Variants in ZNF888 observed in about 807,000 individuals in gnomAD.
ZNF888 encodes the protein zinc finger protein 888.
Under a neutral mutation model 7.2 loss-of-function variants are expected in ZNF888, and 5 were observed. The ratio of observed to expected loss-of-function variants is 0.70; its 90% confidence interval spans 0.36 to 1.46. The LOEUF is 1.46. ZNF888 is among the 40% of genes most tolerant of loss of function. The pLI is 0.03. For synonymous variants in ZNF888, 240 were observed against 284.3 expected (o/e 0.84, Z 1.57); for missense variants, 716 against 858.0 (o/e 0.83, Z 2.07).
At chr19:52,914,445 C>T (rs2064721367) in intron 4 of ZNF888, 1 of 703,658 alleles carries the variant, frequency 1.4e-6, no homozygotes, top group South Asian at 6.5e-5. Context: ...AGTGCTGGAG[C>T]TTTTCTAGAG....
chr19:52,915,239 G>A lies in ZNF888; in HGVS notation c.99C>T (p.Tyr33=). ...KCLDPAQRTL[Y]RDVMLENYRN... The stretch of plus-strand genomic sequence containing the variant: ...TATAATTCTCCAGCATCACGTCTCT[G>A]TATAGAGTCCTCTGAGCAGGGTCCA... Residue 33 remains tyrosine (Y), a synonymous_variant, in exon 4 of 5, where the codon TAC becomes TAT. Coordinates refer to ENST00000638862, the MANE Select transcript of ZNF888 (RefSeq NM_001393938.1). 6.2e-7 allele frequency: 1 copy of A among 1,611,488 alleles called. No homozygotes were observed. The highest frequency in any genetic ancestry group is 1.1e-5 in the South Asian group (1 of 90,974).
intron 3 of ZNF888, among the ~76,000 whole-genome samples, chr19:52,916,627 T>TATATATATATATATATATAC (rs1431267956): frequency 2.7e-4 from 39 of 142,128 alleles, no homozygotes; most frequent in African/African-American, 1.1e-3. Context: ...TATATATATA[T>TATATATATATATATATATAC]ATATATATAT....
At position 52,905,697 on chromosome 19, in the gene ZNF888, A is replaced by G; in HGVS notation, c.*468T>C. The G allele has an allele frequency of 4.6e-6, 2 of 436,022 alleles. 1 individual carries two copies. The highest frequency in any genetic ancestry group is 3.8e-5 in the South Asian group (2 of 52,592). 27.0% of individuals were successfully genotyped at this position (436,022 alleles called of 1,614,324 possible). On this transcript the variant is annotated 3_prime_UTR_variant, in exon 5 of 5. Transcript: ENST00000638862. ...CAACTCAAACTCAAGTCAATGCTGA[A>G]CTGACTCTAGTGTCAATTAATGCTT...
chr19:52,921,417 C>A (rs981875135), intron 1 of ZNF888, among the ~76,000 whole-genome samples: 6 of 152,098 alleles, frequency 3.9e-5, no homozygotes, highest in African/African-American at 1.4e-4. Context: ...ACATTTTCAC[C>A]GAGTTACCCT....
At chr19:52,922,050 C>T (rs2064827346) in intron 1 of ZNF888, among the ~76,000 whole-genome samples, 1 of 152,108 alleles carries the variant, frequency 6.6e-6, no homozygotes, top group Non-Finnish European at 1.5e-5. Context: ...TGTGATGGCT[C>T]ACACCTGTAT....
chr19:52,912,351 G>C (rs1324799561), intron 4 of ZNF888, among the ~76,000 whole-genome samples: 1 of 150,512 alleles, frequency 6.6e-6, no homozygotes. Context: ...CTGACCTCGT[G>C]ATCCGCCCCC....
intron 4 of ZNF888, among the ~76,000 whole-genome samples, chr19:52,911,131 A>T (rs1315582767): frequency 6.6e-6 from 1 of 151,992 alleles, no homozygotes; most frequent in Non-Finnish European, 1.5e-5. Context: ...GGCCCGTCTC[A>T]GCCTCCCAAA....
chr19:52,912,266 A>C lies in ZNF888; in HGVS notation c.142+2930T>G, dbSNP rs867331782. Among the ~76,000 whole-genome samples the C allele has an allele frequency of 1.4e-4, 20 of 146,528 alleles. No homozygotes were observed. In the South Asian group the frequency reaches 4.2e-3, roughly 31 times the overall value. ...GTAGCTGGGACTACAGGCACCTGCC[A>C]CCGCGCCCGGCTAATTTTTTGTATT... On this transcript the variant is annotated intron_variant, in intron 4 of 4. Coordinates refer to ENST00000638862, the MANE Select transcript of ZNF888 (RefSeq NM_001393938.1).
rs990518355 is a variant in ZNF888, at chr19:52,913,605, T to G, written c.142+1591A>C. On this transcript the variant is annotated intron_variant, in intron 4 of 4. Transcript: ENST00000638862. ...TCCCAAAGTCCTGGGATTATAGGCG[T>G]GAGCCACTGTACCCGGCCAGGTTAC... The G allele has an allele frequency of 8.8e-6, 5 of 568,812 alleles. No individual in the cohort carries two copies. The African/African-American group carries it at 1.0e-4, about 12-fold the overall frequency. 35.2% of individuals were successfully genotyped at this position (568,812 alleles called of 1,614,324 possible). A position where few individuals can be genotyped will look rare whatever the true frequency, so the allele number is the denominator to read the frequency against.
rs1260193130 is a variant in ZNF888 at position 52,915,069 on chromosome 19, T to C, written c.142+127A>G. On this transcript the variant is annotated intron_variant, in intron 4 of 4. Transcript: ENST00000638862. ...CAGTGAAAGTCCAGATGCTACATCA[T>C]GAAGCTTTTCATTTCAAAATCAATA... is the stretch of plus-strand genomic sequence containing the variant. 10 of 1,417,768 alleles carry C rather than the reference T, an allele frequency of 7.1e-6. No individual in the cohort carries two copies. In the African/African-American group the frequency reaches 1.0e-4, roughly 14 times the overall value. 87.8% of individuals were successfully genotyped at this position (1,417,768 alleles called of 1,614,324 possible). A position where few individuals can be genotyped will look rare whatever the true frequency, so the allele number is the denominator to read the frequency against.
Position 52,915,180 on chromosome 19 carries a change from A to G in ZNF888, c.142+16T>C, listed in dbSNP as rs59967102. ...GATCCACAAGGGAACATCCCCAGGAAGGAAGTTATCCTCACCCAGGGAGAC... is the reference window on the plus strand; with the variant it reads ...GATCCACAAGGGAACATCCCCAGGAGGGAAGTTATCCTCACCCAGGGAGAC... On this transcript the variant is annotated intron_variant, in intron 4 of 4. Coordinates refer to ENST00000638862, the MANE Select transcript of ZNF888 (RefSeq NM_001393938.1). The G allele has an allele frequency of 4.6e-4, 642 of 1,387,414 alleles. 45 individuals carry two copies. Among genetic ancestry groups the G allele is most frequent in the African/African-American group, 2.4e-3 (103 of 43,134 alleles). The allele number at this position is 1,387,414 out of a possible 1,614,324, so 85.9% of individuals were successfully genotyped here. A position where few individuals can be genotyped will look rare whatever the true frequency, so the allele number is the denominator to read the frequency against.
chr19:52,907,868 T>C lies in ZNF888; in HGVS notation c.454A>G (p.Ile152Val), dbSNP rs113176878. 404 of 1,614,198 alleles carry C rather than the reference T, an allele frequency of 2.5e-4. No individual in the cohort carries two copies. The African/African-American group carries it at 4.7e-3, about 19-fold the overall frequency. Residue 152 changes from isoleucine (I) to valine (V), a missense_variant, in exon 5 of 5, where the codon ATA (isoleucine) becomes GTA (valine). By Grantham distance (29) the Ile-to-Val change is conservative. Around this residue, in one of 2 missense-constraint regions of ZNF888, gnomAD observed 697 missense variants for 803.4 expected, o/e 0.87. Coordinates refer to ENST00000638862, the MANE Select transcript of ZNF888 (RefSeq NM_001393938.1). ...SFHSHLPELHIFQPEGKIGNQ... is the reference protein window; with the variant it reads ...SFHSHLPELHVFQPEGKIGNQ... Reference sequence around the variant, plus strand: ...CCAATTTTCCCTTCGGGCTGAAATATGTGCAGTTCAGGCAGATGTGAATGA... The same window carrying C: ...CCAATTTTCCCTTCGGGCTGAAATACGTGCAGTTCAGGCAGATGTGAATGA...
At position 52,906,797 on chromosome 19, in the gene ZNF888, G is replaced by C; in HGVS notation, c.1525C>G (p.Leu509Val). 1.9e-6 allele frequency: 3 copies of C among 1,611,722 alleles called. No homozygotes were observed. The highest frequency in any genetic ancestry group is 2.5e-6 in the Non-Finnish European group (3 of 1,178,106). ...CDKAFRRDSH[L>V]AQHTVIHTGE... ...GTGTGAATTACAGTATGTTGTGCCA[G>C]GTGTGAATCACGTCTGAAAGCCTTG... Residue 509 changes from leucine (L) to valine (V), a missense_variant, in exon 5 of 5, where the codon CTG becomes GTG. Transcript: ENST00000638862.
At position 52,906,725 on chromosome 19, in the gene ZNF888, G is replaced by A; in HGVS notation, c.1597C>T (p.Gln533Ter). 1 of 1,607,568 alleles carries A rather than the reference G, an allele frequency of 6.2e-7. No homozygotes were observed. Among genetic ancestry groups the A allele is most frequent in the Non-Finnish European group, 8.5e-7 (1 of 1,175,704 alleles). Residue 533 changes from glutamine (Q) to a stop codon, truncating the protein, a stop_gained, in exon 5 of 5, where the codon CAA becomes TAA. Coordinates refer to ENST00000638862, the MANE Select transcript of ZNF888 (RefSeq NM_001393938.1). LOFTEE classifies it low-confidence loss of function (END_TRUNC). ...KCNECGKTFV[Q>*]NSSLVMHKVI... ...TTATGCATTACAAGAGATGAATTTT[G>A]AACGAAGGTCTTGCCACACTCATTA...
At chr19:52,912,555 C>A (rs2064698692) in intron 4 of ZNF888, among the ~76,000 whole-genome samples, 1 of 99,844 alleles carries the variant, frequency 1.0e-5, no homozygotes, top group African/African-American at 3.6e-5. Flanking sequence ...GAAACCCCAT[C>A]TCTACTAAAA....
At chr19:52,920,938 TAAAAAAAAAAAAAAAAA>T (rs145361548) in intron 1 of ZNF888, among the ~76,000 whole-genome samples, 1 of 6,532 alleles carries the variant, frequency 1.5e-4, no homozygotes, top group African/African-American at 3.8e-4. Flanking sequence ...CTTCAAATAT[TAAAAAAAAAAAAAAAAA>T]AAAAAAAAAA....
intron 4 of ZNF888, among the ~76,000 whole-genome samples, chr19:52,911,098 C>T (rs1023906933): frequency 2.0e-5 from 3 of 152,150 alleles, no homozygotes; most frequent in Non-Finnish European, 4.4e-5. Context: ...AGGCTTGTCT[C>T]GAACTCCTGA....
chr19:52,923,278 AT>A, intron 1 of ZNF888, 90 bp downstream of exon 1: 1 of 984,904 alleles, frequency 1.0e-6, no homozygotes. Flanking sequence ...AAGGGCGAGA[AT>A]TTCCAGGTCT....
At chr19:52,921,267 G>A (rs1938569397) in intron 1 of ZNF888, among the ~76,000 whole-genome samples, 1 of 152,222 alleles carries the variant, frequency 6.6e-6, no homozygotes, top group Non-Finnish European at 1.5e-5. Flanking sequence ...ACACTGGCAG[G>A]GGCCCTGGAC....
Sources: gnomAD v4.1 joint callset for allele counts (sites outside exome capture counted in the v4.1 genomes callset) on GRCh38, gnomAD v4.1.1 for gene constraint, gnomAD v4.1.1 regional missense constraint, MANE v1.5 for transcripts, NCBI Gene and HGNC (gene_info 2026-07-23, HGNC 2026-07-21) for gene names.